Variants in DOCK4 observed in about 807,000 individuals in gnomAD.
DOCK4 encodes the protein dedicator of cytokinesis 4.
In DOCK4, 97 loss-of-function variants were observed where a neutral mutation model predicts 268.1. That is an observed-to-expected ratio of 0.36 (90% CI 0.31 to 0.43). DOCK4 has a LOEUF of 0.43. DOCK4 is among the 20% of genes least tolerant of loss of function. The probability of loss-of-function intolerance (pLI) is 1.00; values close to 1 mark genes in which losing one functional copy is unlikely to be tolerated. For missense variants in DOCK4, 2,145 were observed against 2,455.7 expected (o/e 0.87, Z 2.67); for synonymous variants, 954 against 887.2 (o/e 1.08, Z -1.34).
chr7:111,782,997 G>GA, intron 34 of DOCK4, 73 bp from the exon 35 acceptor site: 1 of 1,271,412 alleles, frequency 7.9e-7, no homozygotes, highest in Non-Finnish European at 1.1e-6. Flanking sequence ...TCTTTTTGGG[G>GA]GAAAAAAAGA....
intron 12 of DOCK4, among the ~76,000 whole-genome samples, chr7:111,930,031 T>C (rs1010474030): frequency 2.0e-5 from 3 of 152,224 alleles, no homozygotes; most frequent in African/African-American, 4.8e-5. Context: ...AACTGCTGTC[T>C]ATCAGAGGTG....
intron 30 of DOCK4, among the ~76,000 whole-genome samples, chr7:111,798,341 A>C (rs1800042413): frequency 6.6e-6 from 1 of 152,218 alleles, no homozygotes; most frequent in Non-Finnish European, 1.5e-5. Flanking sequence ...AGCCCTGAGT[A>C]ATGCTGAAAA....
At chr7:112,069,784 T>C (rs1280305774) in intron 1 of DOCK4, among the ~76,000 whole-genome samples, 1 of 151,836 alleles carries the variant, frequency 6.6e-6, no homozygotes, top group Non-Finnish European at 1.5e-5. Context: ...ATCCACTGCA[T>C]TAAAAAAGAA....
At position 111,872,074 on chromosome 7, in the gene DOCK4, A is replaced by G; in HGVS notation, c.1943T>C (p.Leu648Ser). Residue 648 changes from leucine (L) to serine (S), a missense_variant, in exon 20 of 53, where the codon TTG becomes TCG. By Grantham distance (145) the Leu-to-Ser change is moderately radical (BLOSUM62 -2). Coordinates refer to ENST00000428084, the MANE Select transcript of DOCK4 (RefSeq NM_001363540.2). ...ATGATGAAATTTGCTATCTTGCAGC[A>G]AATTTATTATGTGAACCTAAAAAAA... The part of the protein sequence containing the change: ...VFDSLVHIIN[L>S]LQDSKFHHFK... The G allele has an allele frequency of 6.5e-7, 1 of 1,545,544 alleles. No homozygotes were observed. The highest frequency in any genetic ancestry group is 8.7e-7 in the Non-Finnish European group (1 of 1,145,648).
At chr7:112,043,031 C>T (rs1804529392) in intron 1 of DOCK4, among the ~76,000 whole-genome samples, 2 of 152,274 alleles carry the variant, frequency 1.3e-5, no homozygotes, top group Admixed American at 6.5e-5. Context: ...CCTGATGTGG[C>T]CACTCCATCT....
intron 1 of DOCK4, among the ~76,000 whole-genome samples, chr7:112,128,383 C>A (rs1296183988): frequency 6.6e-6 from 1 of 152,118 alleles, no homozygotes; most frequent in Non-Finnish European, 1.5e-5. Context: ...AGTGAGGAGC[C>A]CCTCTGCCAG....
At chr7:112,089,510 T>TA (rs1226558307) in intron 1 of DOCK4, among the ~76,000 whole-genome samples, 7 of 152,202 alleles carry the variant, frequency 4.6e-5, no homozygotes, top group African/African-American at 1.7e-4. Flanking sequence ...GACTTTAACT[T>TA]ATATCCAGAA....
chr7:111,871,898 A>G (rs980139916), intron 20 of DOCK4, 92 bp downstream of exon 20: 7 of 993,692 alleles, frequency 7.0e-6, no homozygotes, highest in Non-Finnish European at 1.0e-5. Flanking sequence ...TTCTTCCTAC[A>G]CTCCCTTTTA....
At chr7:112,162,019 G>C (rs576896241) in intron 1 of DOCK4, among the ~76,000 whole-genome samples, 1 of 152,100 alleles carries the variant, frequency 6.6e-6, no homozygotes, top group African/African-American at 2.4e-5. Context: ...AAAAGCTTGT[G>C]AAAAAGTTTC....
At chr7:112,111,729 G>C (rs1748721926) in intron 1 of DOCK4, among the ~76,000 whole-genome samples, 1 of 152,180 alleles carries the variant, frequency 6.6e-6, no homozygotes, top group South Asian at 2.1e-4. Context: ...CCAGGGGCGA[G>C]GTCCCTGTTC....
intron 36 of DOCK4, among the ~76,000 whole-genome samples, chr7:111,774,329 A>G (rs751713193): frequency 2.0e-5 from 3 of 152,040 alleles, no homozygotes; most frequent in Non-Finnish European, 4.4e-5. Flanking sequence ...TTAGCTGGGC[A>G]TGGTGGCAGG....
intron 1 of DOCK4, among the ~76,000 whole-genome samples, chr7:112,140,885 C>T (rs933178120): frequency 1.3e-5 from 2 of 152,198 alleles, no homozygotes; most frequent in Non-Finnish European, 2.9e-5. Context: ...AACCTGCATT[C>T]ACACCTGACC....
chr7:111,901,619 T>A, intron 14 of DOCK4, 58 bp downstream of exon 14: 1 of 1,540,300 alleles, frequency 6.5e-7, no homozygotes, highest in Non-Finnish European at 8.9e-7. Flanking sequence ...ACATTAAAGA[T>A]TAAGTGAAAG....
chr7:111,761,734 G>A (rs1563467918), intron 39 of DOCK4, among the ~76,000 whole-genome samples: 1 of 152,074 alleles, frequency 6.6e-6, no homozygotes, highest in African/African-American at 2.4e-5. Context: ...AATACAGCAG[G>A]AACTGGGCTG....
intron 5 of DOCK4, among the ~76,000 whole-genome samples, chr7:111,992,038 G>A (rs1799586411): frequency 6.6e-6 from 1 of 150,650 alleles, no homozygotes; most frequent in Non-Finnish European, 1.5e-5. Flanking sequence ...CCAGCTCAGG[G>A]ACAGGACAAA....
intron 1 of DOCK4, among the ~76,000 whole-genome samples, chr7:112,020,380 G>A (rs978967520): frequency 2.0e-5 from 3 of 152,134 alleles, no homozygotes; most frequent in Non-Finnish European, 2.9e-5. Flanking sequence ...TTCCCCAGCT[G>A]TGGCAGGTCC....
At chr7:111,994,274 GACA>G (rs1799753869) in intron 4 of DOCK4, 43 bp from the exon 5 acceptor site, 6 of 1,314,700 alleles carry the variant, frequency 4.6e-6, no homozygotes, top group Non-Finnish European at 6.3e-6. Flanking sequence ...AAATACCATA[GACA>G]ACAATTTTGT....
chr7:112,185,240 G>A (rs1485421749), intron 1 of DOCK4, among the ~76,000 whole-genome samples: 1 of 152,216 alleles, frequency 6.6e-6, no homozygotes, highest in South Asian at 2.1e-4. Context: ...TGACTGCCTG[G>A]CAGGAGCTCG....
intron 8 of DOCK4, among the ~76,000 whole-genome samples, chr7:111,948,356 G>A (rs1369491412): frequency 6.6e-6 from 1 of 152,102 alleles, no homozygotes; most frequent in African/African-American, 2.4e-5. Context: ...AATGCTATAA[G>A]GTAACTTTCT....
Sources: allele counts gnomAD v4.1 joint callset (sites outside exome capture counted in the v4.1 genomes callset), GRCh38; gene constraint gnomAD v4.1.1; transcripts MANE v1.5; gene names NCBI Gene and HGNC (gene_info 2026-07-23, HGNC 2026-07-21).